Variants in PLA2G4E observed in about 807,000 individuals in gnomAD.
PLA2G4E encodes phospholipase A2 group IVE.
In PLA2G4E, 84 loss-of-function variants were observed where a neutral mutation model predicts 109.1. The ratio of observed to expected loss-of-function variants is 0.77; its 90% CI spans 0.65 to 0.92. The LOEUF is 0.92. Among genes scored for constraint, PLA2G4E ranks in the 40% least tolerant of loss-of-function variants. The pLI is 0.00. For synonymous variants in PLA2G4E, 469 were observed against 436.1 expected, an observed-to-expected ratio of 1.08 and a Z score of -0.94; for missense variants, 1,057 against 1,076.6, an observed-to-expected ratio of 0.98 and a Z score of 0.25.
chr15:42,006,750 G>T (rs1019408089), intron 3 of PLA2G4E, among the ~76,000 whole-genome samples: 5 of 152,270 alleles, frequency 3.3e-5, no homozygotes, highest in Admixed American at 3.3e-4. Context: ...GAGGCCTCTT[G>T]TTCCAAGGAT....
intron 1 of PLA2G4E, among the ~76,000 whole-genome samples, chr15:42,019,247 T>C (rs1448065396): frequency 6.6e-6 from 1 of 152,208 alleles, no homozygotes; most frequent in Non-Finnish European, 1.5e-5. Flanking sequence ...AGGAAAAGCC[T>C]CAGCCTCCTC....
intron 1 of PLA2G4E, among the ~76,000 whole-genome samples, chr15:42,022,793 C>G (rs911119755): frequency 6.6e-6 from 1 of 152,168 alleles, no homozygotes; most frequent in Admixed American, 6.5e-5. Context: ...CGGACTGGTA[C>G]TGGTCTGTGG....
At chr15:42,002,586 T>C in intron 6 of PLA2G4E, 68 bp downstream of exon 6, 1 of 1,480,026 alleles carries the variant, frequency 6.8e-7, no homozygotes, top group Non-Finnish European at 9.2e-7. Flanking sequence ...TCTCCCTTGG[T>C]CCTGTTCCCC....
At chr15:41,984,610 G>C in exon 19 of PLA2G4E, 4 of 1,604,710 alleles carry the variant, frequency 2.5e-6, no homozygotes, top group Non-Finnish European at 2.6e-6. Flanking sequence ...TCACAGGTTT[G>C]TTTCAGGGGC....
At chr15:42,008,133 G>A (rs749206122) in intron 2 of PLA2G4E, among the ~76,000 whole-genome samples, 5 of 152,242 alleles carry the variant, frequency 3.3e-5, no homozygotes, top group Non-Finnish European at 5.9e-5. Context: ...CCTTGTCCCT[G>A]AGCAAACACC....
chr15:42,033,751 C>A (rs1465098885), intron 1 of PLA2G4E, among the ~76,000 whole-genome samples: 1 of 152,172 alleles, frequency 6.6e-6, no homozygotes, highest in Non-Finnish European at 1.5e-5. Context: ...CCACCTGGCA[C>A]CCTCTCCCTG....
intron 5 of PLA2G4E, among the ~76,000 whole-genome samples, chr15:42,003,288 T>C (rs1262874941): frequency 6.6e-6 from 1 of 152,226 alleles, no homozygotes; most frequent in East Asian, 1.9e-4. Flanking sequence ...AGAAGGAGTC[T>C]CGCTCTGTCG....
chr15:42,044,706 G>A lies in PLA2G4E; in HGVS notation c.183+5815C>T, dbSNP rs544720970. ...GCTAAATGATGAGTTAATGAGTGCA[G>A]CACACCAACGTGGCACGTGTATACA... On this transcript the variant is annotated intron_variant, in intron 1 of 19. Coordinates refer to ENST00000399518, the Ensembl canonical transcript of PLA2G4E. Among the ~76,000 whole-genome samples the A allele has an allele frequency of 4.6e-5, 7 of 151,468 alleles. No homozygotes were observed. The South Asian group carries it at 1.5e-3, about 32-fold the overall frequency.
chr15:42,007,288 A>C lies in PLA2G4E; in HGVS notation c.393+441T>G, dbSNP rs559241832. ...GACCAATCCCATGGAACAACTCAAC[A>C]AATAAAATACACACCCAAAGAAATG... On this transcript the variant is annotated intron_variant, in intron 3 of 19. Coordinates refer to ENST00000399518, the Ensembl canonical transcript of PLA2G4E. Among the ~76,000 whole-genome samples the C allele has an allele frequency of 7.9e-5, 12 of 152,338 alleles. No individual in the cohort carries two copies. The South Asian group carries it at 1.0e-3, about 13-fold the overall frequency.
rs113062702 is a variant in PLA2G4E, at chr15:42,018,038, G to A, written c.184-4281C>T. ...AGGGGGTTTGAGAGACATCCCAGCC[G>A]GATCATGCTGGGAGGAAGGTGGCAG... is the stretch of plus-strand genomic sequence containing the variant. On this transcript the variant is annotated intron_variant, in intron 1 of 19. Transcript: ENST00000399518. Among the ~76,000 whole-genome samples, 1,046 of 152,284 alleles carry A rather than the reference G, an allele frequency of 6.9e-3. 12 individuals carry two copies. Among genetic ancestry groups the A allele is most frequent in the African/African-American group, 0.024 (986 of 41,552 alleles).
intron 1 of PLA2G4E, among the ~76,000 whole-genome samples, chr15:42,026,987 A>G (rs2068698419): frequency 6.8e-6 from 1 of 146,520 alleles, no homozygotes; most frequent in South Asian, 2.2e-4. Context: ...AAAAAAAAAG[A>G]AAGAAAGAAA....
intron 12 of PLA2G4E, among the ~76,000 whole-genome samples, chr15:41,994,093 CG>C (rs1474725992): frequency 6.6e-6 from 1 of 152,154 alleles, no homozygotes; most frequent in Non-Finnish European, 1.5e-5. Flanking sequence ...GATGTGGGCC[CG>C]GGACTAGGTT....
In PLA2G4E at chr15:41,983,743, C is replaced by T. The variant is rs113088736; in HGVS notation, c.*11G>A. The T allele has an allele frequency of 7.3e-4, 1,140 of 1,570,552 alleles. 9 individuals carry two copies. The African/African-American group carries it at 0.012, about 16-fold the overall frequency. On this transcript the variant is annotated 3_prime_UTR_variant, in exon 20 of 20. Coordinates refer to ENST00000399518, the Ensembl canonical transcript of PLA2G4E. ...AGAAGCTGACACAGAACAGGGGAGG[C>T]TCCCTGGGGCCTAGGAGGGACACTG... is the stretch of plus-strand genomic sequence containing the variant.
chr15:42,034,402 G>A (rs1889170836), intron 1 of PLA2G4E, among the ~76,000 whole-genome samples: 1 of 152,174 alleles, frequency 6.6e-6, no homozygotes, highest in Non-Finnish European at 1.5e-5. Flanking sequence ...CCAGTCCTGA[G>A]GTTAACGGTT....
intron 14 of PLA2G4E, among the ~76,000 whole-genome samples, chr15:41,989,845 T>A (rs894507302): frequency 6.6e-6 from 1 of 152,242 alleles, no homozygotes; most frequent in Non-Finnish European, 1.5e-5. Flanking sequence ...TCTCTCTCTC[T>A]GGGCAGCGTA....
intron 4 of PLA2G4E, 108 bp from the exon 5 acceptor site, chr15:42,005,086 C>T: frequency 7.8e-7 from 1 of 1,276,898 alleles, no homozygotes; most frequent in Non-Finnish European, 1.1e-6. Context: ...CCGTCCTTCC[C>T]CCACAGCTGC....
At chr15:42,001,317 A>G in intron 6 of PLA2G4E, 97 bp from the exon 7 acceptor site, 1 of 1,184,510 alleles carries the variant, frequency 8.4e-7, no homozygotes, top group Non-Finnish European at 1.3e-6. Flanking sequence ...GGATACATTC[A>G]GCATTGGTCT....
chr15:41,997,170 G>T (rs948483874), exon 11 of PLA2G4E: 1 of 1,566,332 alleles, frequency 6.4e-7, no homozygotes, highest in Non-Finnish European at 8.7e-7. Flanking sequence ...CTGCTTCAGG[G>T]CCTTGGCCAC....
exon 9 of PLA2G4E, chr15:41,999,928 T>A (rs1283189451): frequency 1.9e-6 from 3 of 1,609,220 alleles, no homozygotes; most frequent in Non-Finnish European, 2.5e-6. Context: ...ACAGGCAGGG[T>A]CATCACCTGA....
Sources: gnomAD v4.1 joint callset for allele counts (sites outside exome capture counted in the v4.1 genomes callset) on GRCh38, gnomAD v4.1.1 for gene constraint, MANE v1.5 for transcripts, NCBI Gene and HGNC (gene_info 2026-07-23, HGNC 2026-07-21) for gene names.